The following NRXN3 variants were observed in gnomAD, a reference collection of about 807,000 sequenced individuals.
The protein encoded by NRXN3 is neurexin 3, also known as neurexin III.
In NRXN3, 32 loss-of-function variants were observed where a neutral mutation model predicts 137.6. The observed-to-expected ratio is 0.23, with a 90% CI of 0.18 to 0.31. The LOEUF (loss-of-function observed/expected upper bound fraction) is 0.31. Among genes scored for constraint, NRXN3 ranks in the 10% least tolerant of loss-of-function variants. The pLI is 1.00. For synonymous variants in NRXN3, 798 were observed against 784.5 expected, an observed-to-expected ratio of 1.02 and a Z score of -0.29; for missense variants, 1,574 against 2,062.5, an observed-to-expected ratio of 0.76 and a Z score of 4.59.
rs143274120 is a variant in NRXN3, at chr14:79,748,302, G to A, written c.4014+50365G>A. 2.1e-3 allele frequency among the ~76,000 whole-genome samples: 318 copies of A among 152,242 alleles called. 1 individual carries two copies. The highest frequency in any genetic ancestry group is 3.0e-3 in the Non-Finnish European group (206 of 68,010). On this transcript the variant is annotated intron_variant, in intron 19 of 20. Coordinates refer to ENST00000335750, the MANE Select transcript of NRXN3 (RefSeq NM_001330195.2). ...AGTTATAAGGGAGGGTACACAGTAAGCACTTAGTGAGTGAGTGTTGTGGTT... is the reference window on the plus strand; with the variant it reads ...AGTTATAAGGGAGGGTACACAGTAAACACTTAGTGAGTGAGTGTTGTGGTT...
chr14:78,252,294 T>C (rs2068757912), intron 2 of NRXN3, among the ~76,000 whole-genome samples: 1 of 152,096 alleles, frequency 6.6e-6, no homozygotes, highest in South Asian at 2.1e-4. Context: ...AATTGTGAAC[T>C]CTTTGGCTCT....
At chr14:78,666,668 C>G (rs1288774670) in intron 6 of NRXN3, among the ~76,000 whole-genome samples, 2 of 152,320 alleles carry the variant, frequency 1.3e-5, no homozygotes, top group Non-Finnish European at 2.9e-5. Flanking sequence ...TCTGACTCAT[C>G]TCTGTCCTCT....
At chr14:79,412,884 A>G (rs2095439980) in intron 15 of NRXN3, among the ~76,000 whole-genome samples, 2 of 151,942 alleles carry the variant, frequency 1.3e-5, no homozygotes, top group Admixed American at 1.3e-4. Context: ...TAAAATGCAT[A>G]GCAAGTTGAC....
At chr14:78,776,149 T>C (rs2098744242) in intron 8 of NRXN3, among the ~76,000 whole-genome samples, 1 of 152,244 alleles carries the variant, frequency 6.6e-6, no homozygotes, top group Non-Finnish European at 1.5e-5. Context: ...CATAGTTATA[T>C]GGCATTATAT....
chr14:79,548,920 G>A (rs2097348054), intron 16 of NRXN3, among the ~76,000 whole-genome samples: 1 of 152,098 alleles, frequency 6.6e-6, no homozygotes, highest in Non-Finnish European at 1.5e-5. Flanking sequence ...TTCAAAGACA[G>A]TTTTGACTCA....
chr14:79,047,694 T>C (rs1168206391), intron 15 of NRXN3, among the ~76,000 whole-genome samples: 1 of 152,140 alleles, frequency 6.6e-6, no homozygotes, highest in African/African-American at 2.4e-5. Flanking sequence ...TCCACATCTT[T>C]AGTAATCAAG....
At chr14:78,314,845 C>T (rs980983211) in intron 4 of NRXN3, among the ~76,000 whole-genome samples, 1 of 151,834 alleles carries the variant, frequency 6.6e-6, no homozygotes, top group Admixed American at 6.6e-5. Context: ...CTATTACACA[C>T]ATGTATGTGT....
chr14:79,097,824 T>C (rs371384176), intron 15 of NRXN3, among the ~76,000 whole-genome samples: 58 of 152,314 alleles, frequency 3.8e-4, no homozygotes, highest in African/African-American at 1.3e-3. Flanking sequence ...TAGGACTCTC[T>C]CAATTTGTCC....
intron 15 of NRXN3, among the ~76,000 whole-genome samples, chr14:79,386,927 C>T (rs2094641151): frequency 6.6e-6 from 1 of 152,320 alleles, no homozygotes; most frequent in Non-Finnish European, 1.5e-5. Flanking sequence ...GGACCACTTC[C>T]TTACACCTTA....
At chr14:78,377,181 C>T (rs902301603) in intron 4 of NRXN3, among the ~76,000 whole-genome samples, 10 of 151,946 alleles carry the variant, frequency 6.6e-5, no homozygotes, top group Admixed American at 6.6e-5. Context: ...AATACACTTT[C>T]GATATAATTA....
intron 19 of NRXN3, among the ~76,000 whole-genome samples, chr14:79,720,124 A>G (rs2098839072): frequency 6.6e-6 from 1 of 152,108 alleles, no homozygotes; most frequent in African/African-American, 2.4e-5. Flanking sequence ...AGAGTTCCAC[A>G]TGGCTAGGGA....
At chr14:78,587,248 G>T (rs2097073982) in intron 4 of NRXN3, among the ~76,000 whole-genome samples, 1 of 152,130 alleles carries the variant, frequency 6.6e-6, no homozygotes, top group African/African-American at 2.4e-5. Context: ...ATTTCTTATT[G>T]GTCCTTCTCT....
At chr14:79,739,498 G>A (rs2098953131) in intron 19 of NRXN3, among the ~76,000 whole-genome samples, 1 of 151,698 alleles carries the variant, frequency 6.6e-6, no homozygotes. Flanking sequence ...ACAAAAATTA[G>A]CCAGGCATGG....
chr14:79,101,912 G>T (rs376857200), intron 15 of NRXN3, among the ~76,000 whole-genome samples: 3 of 152,114 alleles, frequency 2.0e-5, no homozygotes, highest in African/African-American at 4.8e-5. Flanking sequence ...AGAAGAGAGT[G>T]CCATGAGAAG....
At chr14:78,891,508 A>T (rs969780335) in intron 10 of NRXN3, among the ~76,000 whole-genome samples, 2 of 151,928 alleles carry the variant, frequency 1.3e-5, no homozygotes, top group African/African-American at 4.8e-5. Context: ...CCATGACATG[A>T]GAAATAAAAT....
intron 15 of NRXN3, among the ~76,000 whole-genome samples, chr14:79,442,567 A>G (rs770016379): frequency 1.3e-5 from 2 of 152,192 alleles, no homozygotes. Context: ...GGGACAGGAC[A>G]TGGTTGGCAA....
At chr14:79,042,787 C>T (rs115663180) in intron 15 of NRXN3, among the ~76,000 whole-genome samples, 1,860 of 152,242 alleles carry the variant, frequency 0.012, 36 homozygotes, top group African/African-American at 0.043. Flanking sequence ...TAAAGCTCTG[C>T]CATCTGGGTT....
chr14:79,802,218 A>G (rs1432536803), intron 19 of NRXN3, among the ~76,000 whole-genome samples: 2 of 152,136 alleles, frequency 1.3e-5, no homozygotes, highest in African/African-American at 4.8e-5. Flanking sequence ...CCAGGCTTTC[A>G]GTTCTTGAAA....
At chr14:78,361,627 T>G (rs2085127952) in intron 4 of NRXN3, among the ~76,000 whole-genome samples, 1 of 152,160 alleles carries the variant, frequency 6.6e-6, no homozygotes, top group Non-Finnish European at 1.5e-5. Flanking sequence ...TGGGTGAGAG[T>G]GTAGATTAAT....
Sources: gnomAD v4.1 joint callset for allele counts (sites outside exome capture counted in the v4.1 genomes callset) on GRCh38, gnomAD v4.1.1 for gene constraint, MANE v1.5 for transcripts, NCBI Gene and HGNC (gene_info 2026-07-23, HGNC 2026-07-21) for gene names.